The following LEPROTL1 variants were observed in gnomAD, a reference collection of about 807,000 sequenced individuals.
LEPROTL1 encodes the protein leptin receptor overlapping transcript-like 1.
Under a neutral mutation model 15.4 loss-of-function variants are expected in LEPROTL1, and 6 were observed. The ratio of observed to expected loss-of-function variants is 0.39; its 90% CI spans 0.21 to 0.77. The LOEUF is 0.77. Ranked by LOEUF, LEPROTL1 falls within the 30% of genes least tolerant of loss-of-function variation. The pLI is 0.41. For synonymous variants in LEPROTL1, 56 were observed against 52.6 expected (o/e 1.06, Z -0.28); for missense variants, 128 against 158.1 (o/e 0.81, Z 1.02).
At chr8:30,115,802 A>G (rs1802732281) in intron 3 of LEPROTL1, among the ~76,000 whole-genome samples, 1 of 152,054 alleles carries the variant, frequency 6.6e-6, no homozygotes, top group South Asian at 2.1e-4. Flanking sequence ...TTACCCACAA[A>G]TTTGGCAAAG....
intron 3 of LEPROTL1, chr8:30,117,328 T>A (rs1802757082): frequency 2.3e-6 from 2 of 861,616 alleles, no homozygotes; most frequent in Non-Finnish European, 3.7e-6. Flanking sequence ...TTTCTTTTTT[T>A]TTTTTTTAAT....
Position 30,131,987 on chromosome 8 carries a change from T to C in LEPROTL1, c.280-388T>C, listed in dbSNP as rs1419756757. On this transcript the variant is annotated intron_variant, in intron 3 of 4. Coordinates refer to the LEPROTL1 transcript ENST00000442880. Reference sequence around the variant, plus strand: ...CTCTTCGCCAATAGCAAAAGCAGAATACAGTACACCATGGGAAAGACACTG... The same window carrying C: ...CTCTTCGCCAATAGCAAAAGCAGAACACAGTACACCATGGGAAAGACACTG... 6.4e-7 allele frequency: 1 copy of C among 1,551,938 alleles called. No individual in the cohort carries two copies. The highest frequency in any genetic ancestry group is 8.7e-7 in the Non-Finnish European group (1 of 1,147,086).
downstream of LEPROTL1, among the ~76,000 whole-genome samples, chr8:30,109,486 G>A (rs1802623461): frequency 6.6e-6 from 1 of 152,304 alleles, no homozygotes; most frequent in Non-Finnish European, 1.5e-5. Context: ...TTGTACACAT[G>A]TGCTTTCTTA....
At chr8:30,103,094 G>A (rs551717024) in intron 2 of LEPROTL1, among the ~76,000 whole-genome samples, 61 of 152,172 alleles carry the variant, frequency 4.0e-4, no homozygotes, top group South Asian at 1.2e-3. Flanking sequence ...GTTGTTTTAT[G>A]CGTTATTTAT....
chr8:30,095,974 GT>G, intron 1 of LEPROTL1: 1 of 676,678 alleles, frequency 1.5e-6, no homozygotes, highest in Non-Finnish European at 2.7e-6. Flanking sequence ...AAAGGCACAA[GT>G]GCGGTCTGCG....
intron 3 of LEPROTL1, among the ~76,000 whole-genome samples, chr8:30,124,424 A>G (rs921167619): frequency 6.6e-6 from 1 of 152,198 alleles, no homozygotes; most frequent in Admixed American, 6.5e-5. Context: ...TGTTTCGTCC[A>G]TGTATTCTCC....
At chr8:30,122,528 C>T (rs1263493012) in intron 3 of LEPROTL1, among the ~76,000 whole-genome samples, 5 of 152,162 alleles carry the variant, frequency 3.3e-5, no homozygotes, top group African/African-American at 7.2e-5. Flanking sequence ...TGGTGGCTCA[C>T]GCCTGTAATC....
At chr8:30,097,671 C>CAAAAAAAA (rs72163652) in intron 1 of LEPROTL1, among the ~76,000 whole-genome samples, 5 of 29,386 alleles carry the variant, frequency 1.7e-4, no homozygotes, top group South Asian at 2.5e-3. Flanking sequence ...GACTCTGTCT[C>CAAAAAAAA]AAAAAAAAAA....
At chr8:30,108,918 C>A (rs185515712), downstream of LEPROTL1, among the ~76,000 whole-genome samples, 2 of 152,246 alleles carry the variant, frequency 1.3e-5, no homozygotes, top group Admixed American at 6.5e-5. Context: ...GCCTGCACCA[C>A]CACGCCTGGC....
Position 30,108,112 on chromosome 8 carries a change from T to A in LEPROTL1, c.*2250T>A. Reference sequence around the variant, plus strand: ...TGAAATGAAAATATATGGCACACTTTCATTCTGAAGTGCATTAACATTCTA... The same window carrying A: ...TGAAATGAAAATATATGGCACACTTACATTCTGAAGTGCATTAACATTCTA... On this transcript the variant is annotated 3_prime_UTR_variant, in exon 4 of 4. Transcript: ENST00000321250. 1 of 606,078 alleles carries A rather than the reference T, an allele frequency of 1.6e-6. No individual in the cohort carries two copies. Among genetic ancestry groups the A allele is most frequent in the Non-Finnish European group, 2.1e-6 (1 of 483,468 alleles). 37.5% of individuals were successfully genotyped at this position (606,078 alleles called of 1,614,324 possible). A position where few individuals can be genotyped will look rare whatever the true frequency, so the allele number is the denominator to read the frequency against.
intron 1 of LEPROTL1, among the ~76,000 whole-genome samples, chr8:30,097,588 C>T (rs1462768211): frequency 1.3e-5 from 2 of 150,902 alleles, no homozygotes; most frequent in African/African-American, 4.9e-5. Context: ...CAGGGAATTG[C>T]TTGAACCCGG....
At chr8:30,137,623 C>T (rs950146750) in exon 5 of LEPROTL1, 3 of 770,694 alleles carry the variant, frequency 3.9e-6, no homozygotes, top group Admixed American at 5.1e-5. Flanking sequence ...ATAACTGAGA[C>T]AGTGAAAGAA....
rs139284949 is a variant in LEPROTL1 at position 30,132,372 on chromosome 8, C to T, written c.280-3C>T. ...ACACAGATATCCTGTGGGTTCTTTC[C>T]AGGGTCCAGATGTCTGCATCGGGGA... On this transcript the variant is annotated splice_polypyrimidine_tract_variant and splice_region_variant and intron_variant, in intron 3 of 4. Transcript: ENST00000442880. 2.3e-4 allele frequency: 363 copies of T among 1,551,724 alleles called. 3 individuals are homozygous for T. The East Asian group carries it at 6.8e-3, about 29-fold the overall frequency.
Position 30,104,336 on chromosome 8 carries a change from C to G in LEPROTL1, c.129C>G (p.Ile43Met), listed in dbSNP as rs767806718. Reference protein sequence around the residue: ...YWPLFVLFFYILSPIPYCIAR... With the variant: ...YWPLFVLFFYMLSPIPYCIAR... ...CCCTCTTTGTTCTATTTTTTTACAT[C>G]CTTTCACCTATTCCATACTGCATAG... is the stretch of plus-strand genomic sequence containing the variant. The change falls in exon 3 of 4, where the codon ATC becomes ATG. Residue 43 changes from isoleucine (I) to methionine (M), a missense_variant. By Grantham distance (10) the Ile-to-Met change is conservative. Transcript: ENST00000321250. 6.4e-7 allele frequency: 1 copy of G among 1,569,542 alleles called. No homozygotes were observed. The highest frequency in any genetic ancestry group is 8.6e-7 in the Non-Finnish European group (1 of 1,157,220).
intron 3 of LEPROTL1, chr8:30,117,374 C>A: frequency 8.7e-7 from 1 of 1,153,770 alleles, no homozygotes; most frequent in South Asian, 1.2e-5. Context: ...ATATATGCTG[C>A]ATTACATCCC....
intron 3 of LEPROTL1, among the ~76,000 whole-genome samples, chr8:30,114,166 TCTC>T (rs917800391): frequency 1.5e-4 from 23 of 152,116 alleles, no homozygotes; most frequent in African/African-American, 5.6e-4. Context: ...AACAATGTAT[TCTC>T]CTTCCTTTAA....
intron 3 of LEPROTL1, among the ~76,000 whole-genome samples, chr8:30,129,372 C>T (rs548930884): frequency 1.3e-5 from 2 of 152,080 alleles, no homozygotes; most frequent in Non-Finnish European, 2.9e-5. Flanking sequence ...GAAGTTTTAA[C>T]GATTAAAAGT....
At chr8:30,132,768 C>T (rs890040184) in intron 4 of LEPROTL1, 3 of 1,551,748 alleles carry the variant, frequency 1.9e-6, no homozygotes, top group Non-Finnish European at 8.7e-7. Context: ...AGGGCAGTGC[C>T]TTACACACAT....
intron 1 of LEPROTL1, among the ~76,000 whole-genome samples, chr8:30,099,845 G>C (rs534685347): frequency 6.6e-6 from 1 of 152,222 alleles, no homozygotes; most frequent in African/African-American, 2.4e-5. Flanking sequence ...GAGCAAGTCT[G>C]CTGATTTCCA....
Sources: allele counts gnomAD v4.1 joint callset (sites outside exome capture counted in the v4.1 genomes callset), GRCh38; gene constraint gnomAD v4.1.1; transcripts MANE v1.5; gene names NCBI Gene and HGNC (gene_info 2026-07-23, HGNC 2026-07-21).